Variants in NDUFA5 observed in about 807,000 individuals in gnomAD.
NDUFA5 encodes the protein NADH dehydrogenase [ubiquinone] 1 alpha subcomplex subunit 5.
Under a neutral mutation model 19.8 loss-of-function variants are expected in NDUFA5, and 11 were observed. That is an observed-to-expected ratio of 0.56 (90% CI 0.35 to 0.92). The LOEUF is 0.92. Ranked by LOEUF, NDUFA5 falls within the 40% of genes least tolerant of loss-of-function variation. The pLI, the probability that NDUFA5 is intolerant of heterozygous loss-of-function variation, is 0.01. For synonymous variants in NDUFA5, 47 were observed against 46.8 expected, an observed-to-expected ratio of 1.00 and a Z score of -0.01; for missense variants, 109 against 134.2, an observed-to-expected ratio of 0.81 and a Z score of 0.93.
chr7:123,559,878 A>G (rs1584708384), upstream of NDUFA5, among the ~76,000 whole-genome samples: 1 of 150,102 alleles, frequency 6.7e-6, no homozygotes, highest in East Asian at 1.9e-4. Flanking sequence ...AAAAAAAAGG[A>G]AAGAAAAAAG....
Position 123,540,781 on chromosome 7 carries a change from T to C in NDUFA5, c.*1338A>G, listed in dbSNP as rs1421135961. On this transcript the variant is annotated 3_prime_UTR_variant, in exon 5 of 5. Coordinates refer to ENST00000355749, the MANE Select transcript of NDUFA5 (RefSeq NM_005000.5). ...TCTAACCTCTAAGAATCCACCTTAT[T>C]TAATATTTATTTAGTATTCATGTTA... 6.6e-6 allele frequency: 1 copy of C among 151,976 alleles called. No homozygotes were observed. The highest frequency in any genetic ancestry group is 1.5e-5 in the Non-Finnish European group (1 of 68,010). The allele number at this position is 151,976 out of a possible 1,614,324, so 9.4% of individuals were successfully genotyped here.
At chr7:123,549,691 T>C (rs1228646478) in intron 3 of NDUFA5, among the ~76,000 whole-genome samples, 2 of 152,180 alleles carry the variant, frequency 1.3e-5, no homozygotes, top group Non-Finnish European at 2.9e-5. Flanking sequence ...GGTAGGAGGA[T>C]TGCTTGAGAC....
chr7:123,561,945 A>G (rs538781917), upstream of NDUFA5, among the ~76,000 whole-genome samples: 17 of 152,020 alleles, frequency 1.1e-4, no homozygotes, highest in African/African-American at 3.9e-4. Context: ...AGTTCTTTCA[A>G]GAAGGTTTTC....
intron 3 of NDUFA5, among the ~76,000 whole-genome samples, chr7:123,549,029 G>C (rs1469435895): frequency 1.3e-5 from 2 of 152,118 alleles, no homozygotes; most frequent in African/African-American, 2.4e-5. Context: ...AAGTAACCTA[G>C]AGATGATTTA....
chr7:123,549,343 C>T (rs1268149779), intron 3 of NDUFA5, among the ~76,000 whole-genome samples: 1 of 152,166 alleles, frequency 6.6e-6, no homozygotes, highest in Non-Finnish European at 1.5e-5. Flanking sequence ...TGAGAGTAAA[C>T]TCTTCTTTGG....
chr7:123,557,460 C>G lies in NDUFA5; in HGVS notation c.22-12G>C. The G allele has an allele frequency of 6.2e-7, 1 of 1,612,266 alleles. No homozygotes were observed. Among genetic ancestry groups the G allele is most frequent in the Non-Finnish European group, 8.5e-7 (1 of 1,179,092 alleles). ...ACAAGGCCAGTGGTCTGTTCAAAAA[C>G]AAAACACGATTCATGCTGTTTACTA... On this transcript the variant is annotated splice_polypyrimidine_tract_variant and intron_variant, in intron 1 of 4. Coordinates refer to ENST00000355749, the MANE Select transcript of NDUFA5 (RefSeq NM_005000.5).
chr7:123,572,467 A>G, the NDUFA5 span, among the ~76,000 whole-genome samples: 1 of 151,344 alleles, frequency 6.6e-6, no homozygotes, highest in East Asian at 1.9e-4. Flanking sequence ...CCTGGATACT[A>G]TTTCTCCTTA....
intron 2 of NDUFA5, 171 bp downstream of exon 2, chr7:123,557,233 G>A (rs760110267): frequency 6.7e-6 from 6 of 898,158 alleles, no homozygotes; most frequent in South Asian, 5.7e-5. Flanking sequence ...AAATAAAAAT[G>A]TGACATCGGA....
the NDUFA5 span, among the ~76,000 whole-genome samples, chr7:123,591,933 C>CT: frequency 4.6e-5 from 7 of 152,010 alleles, no homozygotes; most frequent in South Asian, 2.1e-4. Context: ...TGGCCCCAGA[C>CT]TTTTTTTTGT....
chr7:123,550,639 T>A, intron 2 of NDUFA5, 53 bp from the exon 3 acceptor site: 1 of 1,044,964 alleles, frequency 9.6e-7, no homozygotes, highest in Non-Finnish European at 1.4e-6. Context: ...ACCAAAGACT[T>A]AATGGAACAC....
upstream of NDUFA5, among the ~76,000 whole-genome samples, chr7:123,562,160 A>G (rs1013983171): frequency 1.3e-5 from 2 of 152,138 alleles, no homozygotes; most frequent in African/African-American, 4.8e-5. Context: ...GTGACCAGGT[A>G]CATTTTCAAT....
the NDUFA5 span, among the ~76,000 whole-genome samples, chr7:123,586,563 CTTGTACTTGTTTAT>C: frequency 6.6e-6 from 1 of 151,468 alleles, no homozygotes; most frequent in Non-Finnish European, 1.5e-5. Flanking sequence ...ATTTGATTTG[CTTGTACTTGTTTAT>C]TTTTGCTTTT....
the NDUFA5 span, among the ~76,000 whole-genome samples, chr7:123,600,601 A>G: frequency 6.6e-6 from 1 of 152,226 alleles, no homozygotes; most frequent in Non-Finnish European, 1.5e-5. Context: ...ATAATGATAA[A>G]ATGTAGACAA....
the NDUFA5 span, among the ~76,000 whole-genome samples, chr7:123,599,993 G>A: frequency 6.6e-5 from 10 of 152,226 alleles, no homozygotes; most frequent in Middle Eastern, 3.4e-3. Context: ...AAATGTGGAA[G>A]CGATTACTAG....
chr7:123,561,784 G>C (rs1798691700), upstream of NDUFA5, among the ~76,000 whole-genome samples: 1 of 151,916 alleles, frequency 6.6e-6, no homozygotes, highest in South Asian at 2.1e-4. Context: ...TCTTAGTAGA[G>C]ACGGGGTTTC....
intron 2 of NDUFA5, chr7:123,556,964 T>A: frequency 2.2e-6 from 1 of 448,240 alleles, no homozygotes; most frequent in South Asian, 1.6e-5. Context: ...AAAAATTTTG[T>A]GGGTTTTTTT....
chr7:123,549,535 G>C (rs1488179245), intron 3 of NDUFA5, among the ~76,000 whole-genome samples: 1 of 152,212 alleles, frequency 6.6e-6, no homozygotes, highest in Non-Finnish European at 1.5e-5. Flanking sequence ...CCAGCACTTT[G>C]GAAGGCTAAG....
the NDUFA5 span, among the ~76,000 whole-genome samples, chr7:123,573,750 A>C: frequency 6.6e-6 from 1 of 152,098 alleles, no homozygotes; most frequent in Non-Finnish European, 1.5e-5. Context: ...AAAGTCTCAA[A>C]TTTCTAGACT....
At chr7:123,589,556 T>C in the NDUFA5 span, among the ~76,000 whole-genome samples, 1 of 151,958 alleles carries the variant, frequency 6.6e-6, no homozygotes, top group African/African-American at 2.4e-5. Flanking sequence ...CACTTATGAG[T>C]GAGAATATGC....
Sources: allele counts gnomAD v4.1 joint callset (sites outside exome capture counted in the v4.1 genomes callset), GRCh38; gene constraint gnomAD v4.1.1; transcripts MANE v1.5; gene names NCBI Gene and HGNC (gene_info 2026-07-23, HGNC 2026-07-21).